Variants in ANO2 observed in about 807,000 individuals in gnomAD.
ANO2 encodes anoctamin-2.
A neutral mutation model predicts 124.2 loss-of-function variants in ANO2; 101 were observed. That is an observed-to-expected ratio of 0.81 (90% confidence interval 0.69 to 0.96). The LOEUF (loss-of-function observed/expected upper bound fraction) is 0.96. Ranked by LOEUF, ANO2 falls within the 40% of genes least tolerant of loss-of-function variation. The pLI, the probability that ANO2 is intolerant of heterozygous loss-of-function variation, is 0.00. For missense variants in ANO2, 1,293 were observed against 1,274.5 expected (o/e 1.01, Z -0.22); for synonymous variants, 486 against 482.5 (o/e 1.01, Z -0.09).
At chr12:5,657,559 T>A (rs1408982622) in intron 14 of ANO2, among the ~76,000 whole-genome samples, 2 of 151,910 alleles carry the variant, frequency 1.3e-5, no homozygotes, top group African/African-American at 4.8e-5. Context: ...GAGTGCAGTA[T>A]GCTTTTCCAT....
In ANO2 at chr12:5,630,404, G is replaced by A. The variant is rs1157116165; in HGVS notation, c.1816+4748C>T. Among the ~76,000 whole-genome samples, 6 of 152,212 alleles carry A rather than the reference G, an allele frequency of 3.9e-5. No individual in the cohort carries two copies. In the East Asian group the frequency reaches 1.2e-3, roughly 29 times the overall value. ...GGGATACTGCTGGGACCTACTTTGT[G>A]AGACCATCTCTGTTAGTGTGGGTAT... On this transcript the variant is annotated intron_variant, in intron 16 of 24. Coordinates refer to ENST00000682330, the MANE Select transcript of ANO2 (RefSeq NM_001364791.2).
chr12:5,691,221 A>G (rs760835358), intron 14 of ANO2, among the ~76,000 whole-genome samples: 19 of 150,776 alleles, frequency 1.3e-4, no homozygotes, highest in Non-Finnish European at 2.4e-4. Context: ...CCAGCTACTC[A>G]GGAGGCTGAG....
chr12:5,749,707 T>G (rs1287255575), intron 11 of ANO2, among the ~76,000 whole-genome samples: 6 of 152,226 alleles, frequency 3.9e-5, no homozygotes, highest in Admixed American at 3.9e-4. Context: ...GCTAAGTGTC[T>G]CTTTTGTTCC....
chr12:5,629,213 G>C (rs1177765125), intron 16 of ANO2, among the ~76,000 whole-genome samples: 1 of 152,194 alleles, frequency 6.6e-6, no homozygotes, highest in Admixed American at 6.5e-5. Context: ...AAAGAGTTTT[G>C]AAAGAAAAGA....
intron 7 of ANO2, among the ~76,000 whole-genome samples, chr12:5,816,209 T>C (rs1411468886): frequency 6.6e-6 from 1 of 151,760 alleles, no homozygotes; most frequent in East Asian, 1.9e-4. Flanking sequence ...TTCTAGTCAC[T>C]CATGCTTCTC....
At chr12:5,725,463 T>C (rs1555147662) in intron 14 of ANO2, among the ~76,000 whole-genome samples, 1 of 152,204 alleles carries the variant, frequency 6.6e-6, no homozygotes, top group Non-Finnish European at 1.5e-5. Context: ...CCGGTTGCTT[T>C]CAGATAGATT....
At position 5,862,351 on chromosome 12, in the gene ANO2, G is replaced by T. The variant is rs1307833613; in HGVS notation, c.535-8210C>A. Among the ~76,000 whole-genome samples, 1 of 152,160 alleles carries T rather than the reference G, an allele frequency of 6.6e-6. No homozygotes were observed. On this transcript the variant is annotated intron_variant, in intron 3 of 24. Transcript: ENST00000682330. This position sits in a 1 kb window ranked among gnomAD's most constrained non-coding sequence, Gnocchi z 4.0. ...CTTCTTATGGAAAAGACTTCACCTG[G>T]TTCCCAACCAACGACCAGGGACAAC... is the stretch of plus-strand genomic sequence containing the variant.
chr12:5,667,977 A>G (rs1947815191), intron 14 of ANO2, among the ~76,000 whole-genome samples: 2 of 152,264 alleles, frequency 1.3e-5, no homozygotes, highest in South Asian at 4.1e-4. Context: ...GGTTGATTCC[A>G]TGTGTTTGCT....
At chr12:5,920,912 T>C (rs1941659730) in intron 3 of ANO2, 128 bp downstream of exon 3, 1 of 1,134,632 alleles carries the variant, frequency 8.8e-7, no homozygotes, top group Non-Finnish European at 1.2e-6. Flanking sequence ...ATCTGGTTTC[T>C]CCAGCAGAAA....
intron 10 of ANO2, among the ~76,000 whole-genome samples, chr12:5,774,858 C>T (rs1952181856): frequency 6.6e-6 from 1 of 152,202 alleles, no homozygotes; most frequent in Non-Finnish European, 1.5e-5. Flanking sequence ...TTAGAAATAA[C>T]CCTGTCAGTT....
intron 13 of ANO2, among the ~76,000 whole-genome samples, chr12:5,736,623 C>G (rs1187969300): frequency 6.6e-6 from 1 of 152,140 alleles, no homozygotes; most frequent in African/African-American, 2.4e-5. Flanking sequence ...CATATAAGTC[C>G]TAGGACCCTT....
intron 15 of ANO2, among the ~76,000 whole-genome samples, chr12:5,640,807 A>T (rs750161653): frequency 1.5e-4 from 23 of 152,362 alleles, no homozygotes; most frequent in Middle Eastern, 3.4e-3. Context: ...ATTGTGGAAG[A>T]CAGTGTGGCG....
At chr12:5,823,099 G>T (rs9651894) in intron 7 of ANO2, among the ~76,000 whole-genome samples, 6,543 of 152,184 alleles carry the variant, frequency 0.043, 309 homozygotes, top group African/African-American at 0.12. Flanking sequence ...GATTTGCAGG[G>T]GGACACAGCC....
At chr12:5,891,177 T>C (rs1939363600) in intron 3 of ANO2, among the ~76,000 whole-genome samples, 1 of 152,180 alleles carries the variant, frequency 6.6e-6, no homozygotes, top group Non-Finnish European at 1.5e-5. Flanking sequence ...GTCATTAGCA[T>C]GGACAGAGAG....
At chr12:5,747,902 C>T (rs573591510) in intron 11 of ANO2, among the ~76,000 whole-genome samples, 4 of 152,340 alleles carry the variant, frequency 2.6e-5, no homozygotes, top group South Asian at 2.1e-4. Flanking sequence ...TCCGCAGTAA[C>T]GACTGCATTT....
At chr12:5,841,916 C>A (rs1245852170) in intron 4 of ANO2, among the ~76,000 whole-genome samples, 1 of 152,124 alleles carries the variant, frequency 6.6e-6, no homozygotes, top group Non-Finnish European at 1.5e-5. Flanking sequence ...GTCACCCAGG[C>A]TGGAGTGCAG....
intron 5 of ANO2, 82 bp downstream of exon 5, chr12:5,832,370 C>T: frequency 6.5e-7 from 1 of 1,542,012 alleles, no homozygotes; most frequent in Non-Finnish European, 8.8e-7. Flanking sequence ...CTTTGGGAGC[C>T]CCAGGGCTGA....
chr12:5,837,459 C>T (rs754223637), intron 4 of ANO2, among the ~76,000 whole-genome samples: 6 of 143,628 alleles, frequency 4.2e-5, no homozygotes, highest in Non-Finnish European at 9.1e-5. Flanking sequence ...GTATATCTCC[C>T]GATGCTATCC....
intron 14 of ANO2, among the ~76,000 whole-genome samples, chr12:5,697,571 C>T (rs900286161): frequency 3.3e-5 from 5 of 152,200 alleles, no homozygotes; most frequent in African/African-American, 9.7e-5. Context: ...ACTGAGGTAC[C>T]GGGTTCATCT....
Sources: allele counts gnomAD v4.1 joint callset (sites outside exome capture counted in the v4.1 genomes callset), GRCh38; gene constraint gnomAD v4.1.1; non-coding constraint Gnocchi (gnomAD v3.1); transcripts MANE v1.5; gene names NCBI Gene and HGNC (gene_info 2026-07-23, HGNC 2026-07-21).